ITGA9: variants seen among roughly 807,000 people sequenced by gnomAD.
ITGA9 encodes the protein integrin alpha-9.
A neutral mutation model predicts 127.8 loss-of-function variants in ITGA9; 56 were observed. That is an observed-to-expected ratio of 0.44 (90% CI 0.35 to 0.55). The LOEUF (loss-of-function observed/expected upper bound fraction) is 0.55. ITGA9 is among the 20% of genes least tolerant of loss of function. The pLI, the probability that ITGA9 is intolerant of heterozygous loss-of-function variation, is 0.00. For missense variants in ITGA9, 1,196 were observed against 1,347.1 expected, an observed-to-expected ratio of 0.89 and a Z score of 1.76; for synonymous variants, 508 against 514.5, an observed-to-expected ratio of 0.99 and a Z score of 0.17.
At chr3:37,599,241 G>T (rs531029884) in intron 15 of ITGA9, among the ~76,000 whole-genome samples, 1 of 152,228 alleles carries the variant, frequency 6.6e-6, no homozygotes, top group Non-Finnish European at 1.5e-5. Context: ...CTCTGGGTTA[G>T]CTGGATAGTT....
intron 7 of ITGA9, 82 bp downstream of exon 7, chr3:37,506,167 G>A: frequency 9.7e-7 from 1 of 1,026,942 alleles, no homozygotes; most frequent in Non-Finnish European, 1.5e-6. Flanking sequence ...TTTGCCAGCT[G>A]ACATTGACCT....
intron 18 of ITGA9, among the ~76,000 whole-genome samples, chr3:37,689,179 G>T (rs547376747): frequency 6.6e-6 from 1 of 152,344 alleles, no homozygotes; most frequent in East Asian, 1.9e-4. Flanking sequence ...CATTAGTTAT[G>T]TATTAGCTTC....
At chr3:37,748,486 G>A (rs1696535849) in intron 22 of ITGA9, 6 of 548,430 alleles carry the variant, frequency 1.1e-5, no homozygotes, top group South Asian at 4.9e-5. Context: ...AGTAGCTCAC[G>A]CCTGTAATCC....
At chr3:37,735,313 C>T (rs1262346609) in intron 19 of ITGA9, among the ~76,000 whole-genome samples, 2 of 152,184 alleles carry the variant, frequency 1.3e-5, no homozygotes, top group Admixed American at 1.3e-4. Flanking sequence ...CTCTTCCCGC[C>T]CTGTCTCCAT....
chr3:37,733,423 A>G (rs891480953), intron 19 of ITGA9, among the ~76,000 whole-genome samples: 1 of 143,406 alleles, frequency 7.0e-6, no homozygotes, highest in Admixed American at 7.4e-5. Context: ...AGATGTGGTG[A>G]TTGGAGGCAA....
intron 21 of ITGA9, among the ~76,000 whole-genome samples, chr3:37,742,735 G>A (rs530335036): frequency 6.6e-6 from 1 of 152,294 alleles, no homozygotes; most frequent in South Asian, 2.1e-4. Flanking sequence ...ATCCCTTGCA[G>A]GGAGAGCCAT....
chr3:37,703,342 G>A (rs1312765223), intron 18 of ITGA9, among the ~76,000 whole-genome samples: 2 of 152,190 alleles, frequency 1.3e-5, no homozygotes, highest in Admixed American at 1.3e-4. Context: ...GCCCAATCCA[G>A]TTCAGTTAAA....
intron 18 of ITGA9, among the ~76,000 whole-genome samples, chr3:37,713,795 T>C (rs941297450): frequency 2.0e-5 from 3 of 152,224 alleles, no homozygotes; most frequent in Non-Finnish European, 2.9e-5. Context: ...AGGCCCGGGC[T>C]GCTCTGCTTA....
chr3:37,783,167 AT>A (rs1197236880), intron 25 of ITGA9, among the ~76,000 whole-genome samples: 24 of 151,502 alleles, frequency 1.6e-4, no homozygotes, highest in African/African-American at 5.6e-4. Context: ...TAGGATTCGG[AT>A]TTTTTTGGAA....
At chr3:37,520,501 A>G (rs1180347404) in intron 11 of ITGA9, among the ~76,000 whole-genome samples, 1 of 152,084 alleles carries the variant, frequency 6.6e-6, no homozygotes, top group Non-Finnish European at 1.5e-5. Context: ...GAAACTTGTT[A>G]TCGTAACCAC....
intron 17 of ITGA9, among the ~76,000 whole-genome samples, chr3:37,673,349 CAAA>C (rs1267172195): frequency 6.6e-6 from 1 of 152,032 alleles, no homozygotes; most frequent in African/African-American, 2.4e-5. Flanking sequence ...CTGTGAGACT[CAAA>C]AAAACATTTC....
intron 15 of ITGA9, among the ~76,000 whole-genome samples, chr3:37,600,393 T>G (rs1397882972): frequency 3.3e-5 from 5 of 152,198 alleles, no homozygotes; most frequent in African/African-American, 1.2e-4. Flanking sequence ...TAACCTGCTG[T>G]CCTATTCCTC....
intron 7 of ITGA9, among the ~76,000 whole-genome samples, chr3:37,507,124 A>G (rs1326200117): frequency 1.3e-5 from 2 of 152,208 alleles, no homozygotes; most frequent in South Asian, 2.1e-4. Context: ...TGCTGTGGAA[A>G]GAGGTTCTTC....
intron 18 of ITGA9, among the ~76,000 whole-genome samples, chr3:37,731,947 G>A (rs540803733): frequency 6.6e-6 from 1 of 152,274 alleles, no homozygotes; most frequent in Admixed American, 6.5e-5. Flanking sequence ...CCTGGAAATT[G>A]GAGGACCTCT....
intron 16 of ITGA9, among the ~76,000 whole-genome samples, chr3:37,644,368 A>G (rs1459435030): frequency 2.6e-5 from 4 of 152,204 alleles, no homozygotes; most frequent in Non-Finnish European, 5.9e-5. Flanking sequence ...GTTCTCGTTT[A>G]TAAGTGGGAG....
At chr3:37,654,190 C>CCACA (rs67516814) in intron 17 of ITGA9, among the ~76,000 whole-genome samples, 17,087 of 146,258 alleles carry the variant, frequency 0.12, 1,208 homozygotes, top group African/African-American at 0.2. Context: ...CCTCCTGCCT[C>CCACA]CACACACACA....
chr3:37,682,636 TCTC>T (rs1258786735), intron 17 of ITGA9, among the ~76,000 whole-genome samples: 1 of 152,142 alleles, frequency 6.6e-6, no homozygotes, highest in Non-Finnish European at 1.5e-5. Context: ...TGCCTCAAAA[TCTC>T]CTTTAAAACC....
In ITGA9 at chr3:37,635,957, G is replaced by A. The variant is rs556713747; in HGVS notation, c.1839+6621G>A. On this transcript the variant is annotated intron_variant, in intron 16 of 27. Coordinates refer to ENST00000264741, the MANE Select transcript of ITGA9 (RefSeq NM_002207.3). ...TCATCCATGTCCCTACAAAGGACACGAAGTCATCATTTTTTATGGCTGCAT... is the reference window on the plus strand; with the variant it reads ...TCATCCATGTCCCTACAAAGGACACAAAGTCATCATTTTTTATGGCTGCAT... Among the ~76,000 whole-genome samples the A allele has an allele frequency of 1.8e-4, 27 of 151,846 alleles. No individual in the cohort carries two copies. The South Asian group carries it at 3.1e-3, about 18-fold the overall frequency.
intron 16 of ITGA9, among the ~76,000 whole-genome samples, chr3:37,631,861 T>G (rs1428170722): frequency 6.6e-6 from 1 of 152,188 alleles, no homozygotes; most frequent in African/African-American, 2.4e-5. Flanking sequence ...GCATGCAGAA[T>G]AGCAAGCAGC....
Sources: allele counts gnomAD v4.1 joint callset (sites outside exome capture counted in the v4.1 genomes callset), GRCh38; gene constraint gnomAD v4.1.1; transcripts MANE v1.5; gene names NCBI Gene and HGNC (gene_info 2026-07-23, HGNC 2026-07-21).